The following COMMD10 variants were observed in gnomAD, a reference collection of about 807,000 sequenced individuals.
COMMD10 encodes the protein COMM domain containing 10.
A neutral mutation model predicts 28.9 loss-of-function variants in COMMD10; 33 were observed. That is an observed-to-expected ratio of 1.14 (90% confidence interval 0.87 to 1.53). COMMD10 has a LOEUF of 1.53. Among genes scored for constraint, COMMD10 ranks in the 40% most tolerant of loss-of-function variants. The pLI is 0.00. For synonymous variants in COMMD10, 110 were observed against 81.7 expected, an observed-to-expected ratio of 1.35 and a Z score of -1.87; for missense variants, 310 against 233.4, an observed-to-expected ratio of 1.33 and a Z score of -2.14.
chr5:116,208,535 A>G (rs1441326251), intron 5 of COMMD10, among the ~76,000 whole-genome samples: 1 of 152,152 alleles, frequency 6.6e-6, no homozygotes, highest in Non-Finnish European at 1.5e-5. Context: ...CTTTGTTTAT[A>G]ATTTTAAGTT....
chr5:116,202,716 C>T (rs1748701976), intron 5 of COMMD10, among the ~76,000 whole-genome samples: 1 of 151,380 alleles, frequency 6.6e-6, no homozygotes, highest in Non-Finnish European at 1.5e-5. Context: ...ATCCTTTGCC[C>T]ACTTTTTGAT....
At chr5:116,121,487 G>C (rs967627792) in intron 4 of COMMD10, among the ~76,000 whole-genome samples, 4 of 152,134 alleles carry the variant, frequency 2.6e-5, no homozygotes, top group African/African-American at 7.2e-5. Context: ...AATCCTTTGG[G>C]TATATACCCA....
At position 116,186,185 on chromosome 5, in the gene COMMD10, C is replaced by T. The variant is rs138040429; in HGVS notation, c.510+52007C>T. Among the ~76,000 whole-genome samples the T allele has an allele frequency of 2.0e-3, 303 of 152,260 alleles. 2 individuals carry two copies. The highest frequency in any genetic ancestry group is 6.9e-3 in the African/African-American group (288 of 41,564). ...ATTAATCAACTTATTGGTTCAGCTG[C>T]AACTCTGTTTCTCACCCCGCAGTCA... On this transcript the variant is annotated intron_variant, in intron 5 of 6. Coordinates refer to ENST00000274458, the MANE Select transcript of COMMD10 (RefSeq NM_016144.4).
intron 5 of COMMD10, among the ~76,000 whole-genome samples, chr5:116,195,927 A>G (rs903904262): frequency 6.6e-6 from 1 of 152,190 alleles, no homozygotes; most frequent in Non-Finnish European, 1.5e-5. Flanking sequence ...CAGAAAATCA[A>G]TAAACAGAAG....
At chr5:116,268,435 A>C (rs1179178512) in intron 5 of COMMD10, among the ~76,000 whole-genome samples, 3 of 151,934 alleles carry the variant, frequency 2.0e-5, no homozygotes, top group Non-Finnish European at 4.4e-5. Context: ...GGCAATCATT[A>C]AAAAGTCAGG....
chr5:116,236,626 T>C (rs1232950866), intron 5 of COMMD10, among the ~76,000 whole-genome samples: 2 of 151,638 alleles, frequency 1.3e-5, no homozygotes, highest in Admixed American at 1.3e-4. Flanking sequence ...ATTCCAACTA[T>C]ATGACATTCT....
chr5:116,258,185 A>G (rs1461172223), intron 5 of COMMD10, among the ~76,000 whole-genome samples: 2 of 151,694 alleles, frequency 1.3e-5, no homozygotes, highest in African/African-American at 2.4e-5. Flanking sequence ...TACAGTTTGA[A>G]TACATCCAAA....
At chr5:116,259,506 C>G (rs1750380333) in intron 5 of COMMD10, among the ~76,000 whole-genome samples, 1 of 151,020 alleles carries the variant, frequency 6.6e-6, no homozygotes, top group Non-Finnish European at 1.5e-5. Flanking sequence ...TGGTGACTTT[C>G]TTGCTAATTT....
chr5:116,138,261 A>C (rs1488935340), intron 5 of COMMD10, among the ~76,000 whole-genome samples: 1 of 151,838 alleles, frequency 6.6e-6, no homozygotes, highest in Non-Finnish European at 1.5e-5. Context: ...AGCTTTCTAC[A>C]TTATTGACTT....
At chr5:116,137,390 C>T (rs1752053547) in intron 5 of COMMD10, among the ~76,000 whole-genome samples, 2 of 152,020 alleles carry the variant, frequency 1.3e-5, no homozygotes, top group Admixed American at 1.3e-4. Context: ...AAAGTTACCA[C>T]TGCTTAGTTT....
intron 5 of COMMD10, among the ~76,000 whole-genome samples, chr5:116,196,884 T>C (rs569874139): frequency 7.9e-5 from 12 of 152,264 alleles, no homozygotes; most frequent in Admixed American, 5.9e-4. Context: ...GCCTAAAAAT[T>C]AATGGATATT....
intron 4 of COMMD10, among the ~76,000 whole-genome samples, chr5:116,107,027 T>C (rs1367217801): frequency 1.3e-5 from 2 of 152,202 alleles, no homozygotes; most frequent in Non-Finnish European, 2.9e-5. Context: ...ATTATGATGG[T>C]AGCTGGTTAT....
chr5:116,169,237 A>C (rs1466875546), intron 5 of COMMD10, among the ~76,000 whole-genome samples: 1 of 152,206 alleles, frequency 6.6e-6, no homozygotes, highest in African/African-American at 2.4e-5. Flanking sequence ...CAAATAAACT[A>C]GAAAATCTGG....
At chr5:116,096,027 A>T (rs1032763917) in intron 4 of COMMD10, among the ~76,000 whole-genome samples, 1 of 152,096 alleles carries the variant, frequency 6.6e-6, no homozygotes, top group Non-Finnish European at 1.5e-5. Flanking sequence ...GTAAGTGTTA[A>T]AATCAGGTAT....
At chr5:116,257,127 C>T (rs1561395715) in intron 5 of COMMD10, among the ~76,000 whole-genome samples, 1 of 151,540 alleles carries the variant, frequency 6.6e-6, no homozygotes, top group Non-Finnish European at 1.5e-5. Context: ...GAAATGGGTC[C>T]TCTAGGGATG....
At chr5:116,124,092 A>C (rs1751533533) in intron 4 of COMMD10, among the ~76,000 whole-genome samples, 1 of 151,386 alleles carries the variant, frequency 6.6e-6, no homozygotes, top group Admixed American at 6.6e-5. Flanking sequence ...GATCTTAGTT[A>C]TTTCTTGCCT....
chr5:116,124,979 C>T (rs1383606962), intron 4 of COMMD10, among the ~76,000 whole-genome samples: 1 of 152,138 alleles, frequency 6.6e-6, no homozygotes, highest in Non-Finnish European at 1.5e-5. Flanking sequence ...TGAAGTGGTT[C>T]TCCTGAATAC....
Position 116,174,129 on chromosome 5 carries a change from C to T in COMMD10, c.510+39951C>T, listed in dbSNP as rs1009716994. Among the ~76,000 whole-genome samples the T allele has an allele frequency of 4.1e-5, 6 of 147,846 alleles. No homozygotes were observed. The East Asian group carries it at 7.8e-4, about 19-fold the overall frequency. ...ATGGAGATGGAGAGCAATAACGGTA[C>T]TATTTTAGGGAAGGCTTTTCTTCCT... On this transcript the variant is annotated intron_variant, in intron 5 of 6. Transcript: ENST00000274458.
intron 1 of COMMD10, chr5:116,085,603 T>C (rs1750068266): frequency 2.0e-5 from 3 of 153,456 alleles, no homozygotes; most frequent in African/African-American, 7.2e-5. Context: ...CTAGCCTGGC[T>C]TTGGTAGCAT....
Sources: gnomAD v4.1 joint callset for allele counts (sites outside exome capture counted in the v4.1 genomes callset) on GRCh38, gnomAD v4.1.1 for gene constraint, MANE v1.5 for transcripts, NCBI Gene and HGNC (gene_info 2026-07-23, HGNC 2026-07-21) for gene names.